Variants in DIAPH3 observed in about 807,000 individuals in gnomAD.
DIAPH3 encodes diaphanous related formin 3.
DIAPH3 carries 117 observed loss-of-function variants against 144.3 expected under a neutral mutation model. The ratio of observed to expected loss-of-function variants is 0.81; its 90% CI spans 0.70 to 0.95. The LOEUF is 0.95. Ranked by LOEUF, DIAPH3 falls within the 40% of genes least tolerant of loss-of-function variation. The probability of loss-of-function intolerance (pLI) is 0.00; values close to 1 mark genes in which losing one functional copy is unlikely to be tolerated. For missense variants in DIAPH3, 1,421 were observed against 1,412.7 expected, an observed-to-expected ratio of 1.01 and a Z score of -0.09; for synonymous variants, 519 against 488.9, an observed-to-expected ratio of 1.06 and a Z score of -0.81.
intron 5 of DIAPH3, among the ~76,000 whole-genome samples, chr13:60,023,850 C>CCTTT (rs2054193099): frequency 1.5e-5 from 1 of 68,874 alleles, no homozygotes; most frequent in South Asian, 6.5e-4. Flanking sequence ...ACTATTCAGC[C>CCTTT]TTTTTTTTTT....
At chr13:59,923,118 T>C (rs2047593497) in intron 18 of DIAPH3, among the ~76,000 whole-genome samples, 1 of 152,120 alleles carries the variant, frequency 6.6e-6, no homozygotes, top group Non-Finnish European at 1.5e-5. Context: ...TGTTCTGTAA[T>C]ACATAAATAA....
intron 24 of DIAPH3, among the ~76,000 whole-genome samples, chr13:59,812,876 C>G (rs1284584321): frequency 6.6e-6 from 1 of 152,100 alleles, no homozygotes. Flanking sequence ...ATACAAGAAC[C>G]AACCAAGCAC....
intron 17 of DIAPH3, among the ~76,000 whole-genome samples, chr13:59,953,934 T>C (rs2049238970): frequency 1.3e-5 from 2 of 152,132 alleles, no homozygotes; most frequent in African/African-American, 4.8e-5. Context: ...AAGTATGTAA[T>C]AAATGAAAGG....
At chr13:59,820,828 CTATT>C (rs1449462457) in intron 24 of DIAPH3, among the ~76,000 whole-genome samples, 5 of 149,344 alleles carry the variant, frequency 3.3e-5, no homozygotes, top group African/African-American at 1.2e-4. Flanking sequence ...CTATTTAATA[CTATT>C]TATTTAACTA....
At chr13:60,058,516 C>A (rs900518200) in intron 4 of DIAPH3, among the ~76,000 whole-genome samples, 1 of 151,782 alleles carries the variant, frequency 6.6e-6, no homozygotes, top group Non-Finnish European at 1.5e-5. Context: ...ATGTACCATT[C>A]GATCCAGCAG....
At chr13:59,751,298 C>T (rs1406846683) in intron 27 of DIAPH3, among the ~76,000 whole-genome samples, 1 of 152,234 alleles carries the variant, frequency 6.6e-6, no homozygotes, top group East Asian at 1.9e-4. Flanking sequence ...GCACAAAGAT[C>T]TCTGCCATCA....
At position 59,821,481 on chromosome 13, in the gene DIAPH3, C is replaced by A. The variant is rs1261393799; in HGVS notation, c.3028-10558G>T. On this transcript the variant is annotated intron_variant, in intron 24 of 27. Coordinates refer to ENST00000400324, the MANE Select transcript of DIAPH3 (RefSeq NM_001042517.2). Reference sequence around the variant, plus strand: ...TCTCATACATATTCCTGTAGTGGAACAGGAAAAAAAATTTAAAAAATTAAT... The same window carrying A: ...TCTCATACATATTCCTGTAGTGGAAAAGGAAAAAAAATTTAAAAAATTAAT... Among the ~76,000 whole-genome samples the A allele has an allele frequency of 2.0e-5, 3 of 151,930 alleles. No individual in the cohort carries two copies. In the East Asian group the frequency reaches 5.8e-4, roughly 29 times the overall value.
chr13:59,683,222 G>C (rs1268245126), intron 27 of DIAPH3, among the ~76,000 whole-genome samples: 4 of 152,102 alleles, frequency 2.6e-5, no homozygotes, highest in Admixed American at 2.6e-4. Context: ...TATGTAACAA[G>C]TAGAAACAGT....
At chr13:59,810,559 A>G (rs575992224) in intron 25 of DIAPH3, among the ~76,000 whole-genome samples, 5 of 152,346 alleles carry the variant, frequency 3.3e-5, no homozygotes, top group Non-Finnish European at 7.3e-5. Context: ...CGAAAACAGC[A>G]TAACAGAGGA....
chr13:59,861,629 A>T, intron 21 of DIAPH3, 93 bp from the exon 22 acceptor site: 1 of 1,341,790 alleles, frequency 7.5e-7, no homozygotes, highest in Non-Finnish European at 1.0e-6. Context: ...TTTGTAGATA[A>T]GGACTAAAAG....
Position 59,802,042 on chromosome 13 carries a change from C to A in DIAPH3, c.3163+8746G>T, listed in dbSNP as rs1057138158. Among the ~76,000 whole-genome samples, 17 of 152,042 alleles carry A rather than the reference C, an allele frequency of 1.1e-4. No individual in the cohort carries two copies. In the East Asian group the frequency reaches 3.1e-3, roughly 28 times the overall value. On this transcript the variant is annotated intron_variant, in intron 25 of 27. Transcript: ENST00000400324. The stretch of plus-strand genomic sequence containing the variant: ...TCAACACCAATGAATAGATTTCCTT[C>A]AACTTTAAGGATTTAATGTCAGAAT...
At chr13:59,905,299 C>T (rs535575195) in intron 20 of DIAPH3, among the ~76,000 whole-genome samples, 8 of 137,030 alleles carry the variant, frequency 5.8e-5, no homozygotes, top group African/African-American at 1.1e-4. Flanking sequence ...GTTGAGATCG[C>T]GCCACTGCAC....
intron 27 of DIAPH3, among the ~76,000 whole-genome samples, chr13:59,669,761 G>A (rs1216684774): frequency 6.6e-6 from 1 of 152,086 alleles, no homozygotes; most frequent in Non-Finnish European, 1.5e-5. Flanking sequence ...TCCTGCTCCA[G>A]CTATCTAAAT....
chr13:60,077,198 C>T (rs2057407537), intron 4 of DIAPH3, among the ~76,000 whole-genome samples: 2 of 151,124 alleles, frequency 1.3e-5, no homozygotes, highest in South Asian at 4.2e-4. Flanking sequence ...CCTTTGTGTC[C>T]TAAAAAAAAA....
rs1180017062 is a variant in DIAPH3, at chr13:60,003,850, G to A, written c.1014+4694C>T. On this transcript the variant is annotated intron_variant, in intron 9 of 27. Transcript: ENST00000400324. ...CTGTCTCGGCCTCCCAAAGTGCTGGGATTACAGACGTGGGCCACCACGCAC... is the reference window on the plus strand; with the variant it reads ...CTGTCTCGGCCTCCCAAAGTGCTGGAATTACAGACGTGGGCCACCACGCAC... Among the ~76,000 whole-genome samples the A allele has an allele frequency of 2.6e-5, 4 of 152,208 alleles. No individual in the cohort carries two copies. The East Asian group carries it at 7.7e-4, about 29-fold the overall frequency.
chr13:59,699,193 T>G (rs1290373873), intron 27 of DIAPH3, among the ~76,000 whole-genome samples: 3 of 152,174 alleles, frequency 2.0e-5, no homozygotes, highest in Admixed American at 2.0e-4. Context: ...GTCAACATGC[T>G]GAGGGTTGTG....
At chr13:59,914,913 G>A (rs2780632) in intron 19 of DIAPH3, among the ~76,000 whole-genome samples, 3 of 151,956 alleles carry the variant, frequency 2.0e-5, no homozygotes, top group Non-Finnish European at 4.4e-5. Flanking sequence ...TGGTGAATGG[G>A]TATAGTACAA....
intron 17 of DIAPH3, among the ~76,000 whole-genome samples, chr13:59,943,111 C>T (rs548798465): frequency 1.3e-5 from 2 of 152,194 alleles, no homozygotes; most frequent in South Asian, 2.1e-4. Flanking sequence ...AATTTAACAC[C>T]GTTAGCACAT....
intron 5 of DIAPH3, among the ~76,000 whole-genome samples, chr13:60,017,053 C>G (rs574969915): frequency 6.6e-6 from 1 of 152,288 alleles, no homozygotes; most frequent in East Asian, 1.9e-4. Context: ...TATGCCTGTA[C>G]TTATATATGT....
Sources: allele counts gnomAD v4.1 joint callset (sites outside exome capture counted in the v4.1 genomes callset), GRCh38; gene constraint gnomAD v4.1.1; transcripts MANE v1.5; gene names NCBI Gene and HGNC (gene_info 2026-07-23, HGNC 2026-07-21).